Variants in PCM1 observed in about 807,000 individuals in gnomAD.
PCM1 encodes pericentriolar material 1.
A neutral mutation model predicts 241.9 loss-of-function variants in PCM1; 157 were observed. That is an observed-to-expected ratio of 0.65 (90% confidence interval 0.57 to 0.74). The LOEUF is 0.74. Ranked by LOEUF, PCM1 falls within the 30% of genes least tolerant of loss-of-function variation. The probability of loss-of-function intolerance (pLI) is 0.00; values close to 1 mark genes in which losing one functional copy is unlikely to be tolerated. For synonymous variants in PCM1, 1,085 were observed against 784.9 expected, an observed-to-expected ratio of 1.38 and a Z score of -6.39; for missense variants, 3,478 against 2,360.1, an observed-to-expected ratio of 1.47 and a Z score of -9.81.
chr8:17,974,450 A>G (rs1231765248), intron 23 of PCM1, among the ~76,000 whole-genome samples: 1 of 152,226 alleles, frequency 6.6e-6, no homozygotes, highest in African/African-American at 2.4e-5. Context: ...TGAGTTTCAC[A>G]TGAATCTCCT....
chr8:17,960,281 G>T (rs1563941360), intron 14 of PCM1, 34 bp from the exon 15 acceptor site: 4 of 1,584,454 alleles, frequency 2.5e-6, no homozygotes, highest in Non-Finnish European at 3.4e-6. Flanking sequence ...ACATTTTATT[G>T]GAGTCCATAA....
intron 30 of PCM1, 93 bp from the exon 31 acceptor site, chr8:18,009,454 C>G (rs1314693173): frequency 1.3e-6 from 1 of 758,936 alleles, no homozygotes; most frequent in African/African-American, 1.8e-5. Flanking sequence ...TAATCATAAA[C>G]ATTAGTTTTA....
intron 6 of PCM1, among the ~76,000 whole-genome samples, chr8:17,941,369 G>A (rs2061981502): frequency 6.6e-6 from 1 of 152,130 alleles, no homozygotes; most frequent in Admixed American, 6.5e-5. Flanking sequence ...ATAACATGTA[G>A]CAGAGTAAAT....
chr8:17,951,939 A>C (rs189531462), intron 8 of PCM1, among the ~76,000 whole-genome samples: 2 of 152,162 alleles, frequency 1.3e-5, no homozygotes, highest in Admixed American at 1.3e-4. Context: ...AATTTAAAAA[A>C]AGGCCAGGTG....
At chr8:17,987,973 C>A (rs562285488) in intron 26 of PCM1, among the ~76,000 whole-genome samples, 1 of 151,754 alleles carries the variant, frequency 6.6e-6, no homozygotes, top group South Asian at 2.1e-4. Flanking sequence ...ATTTTTGGAG[C>A]TTTTACAAAC....
At chr8:17,991,373 A>G (rs771240241) in intron 27 of PCM1, among the ~76,000 whole-genome samples, 169 bp from the exon 28 acceptor site, 1 of 152,208 alleles carries the variant, frequency 6.6e-6, no homozygotes, top group Non-Finnish European at 1.5e-5. Context: ...TTTAAGGATT[A>G]AATAAGTGTG....
chr8:17,973,753 T>C (rs1008873865), intron 23 of PCM1, among the ~76,000 whole-genome samples: 1 of 151,496 alleles, frequency 6.6e-6, no homozygotes, highest in Non-Finnish European at 1.5e-5. Context: ...AAGAACAAAG[T>C]ATTCTAGGCT....
At chr8:18,024,865 CAGAAGGG>C (rs2094054225) in intron 36 of PCM1, 1 of 152,064 alleles carries the variant, frequency 6.6e-6, no homozygotes, top group African/African-American at 2.4e-5. Context: ...TATTAAAAAT[CAGAAGGG>C]AGAACTAGGA....
intron 30 of PCM1, among the ~76,000 whole-genome samples, chr8:18,008,213 C>T (rs1025009606): frequency 1.3e-5 from 2 of 152,132 alleles, no homozygotes; most frequent in Non-Finnish European, 2.9e-5. Context: ...CTGAGCTCCA[C>T]CTCCTGTCAG....
At position 17,939,748 on chromosome 8, in the gene PCM1, G is replaced by A. The variant is rs1305156982; in HGVS notation, c.670G>A (p.Glu224Lys). Residue 224 changes from glutamate to lysine, a missense_variant, in exon 6 of 39, where the codon GAA (glutamate) becomes AAA (lysine). By Grantham distance (56) the Glu-to-Lys change is moderately conservative (BLOSUM62 1). Transcript: ENST00000325083. The stretch of plus-strand genomic sequence containing the variant: ...TATTACTAAAGCTAGTTCCATGCGG[G>A]AAGATCTTGTAGAGAAAAATGAGAG... ...DYITKASSMR[E>K]DLVEKNERSA... The A allele has an allele frequency of 6.4e-7, 1 of 1,559,734 alleles. No homozygotes were observed. Among genetic ancestry groups the A allele is most frequent in the South Asian group, 1.2e-5 (1 of 84,620 alleles).
chr8:17,924,565 C>G (rs1040735439), intron 1 of PCM1, 148 bp from the exon 2 acceptor site: 4 of 152,178 alleles, frequency 2.6e-5, no homozygotes, highest in Admixed American at 2.6e-4. Flanking sequence ...ATTGAGGTAA[C>G]TTAAATTTAA....
chr8:17,955,469 G>A lies in PCM1; in HGVS notation c.1289-1G>A. On this transcript the variant is annotated splice_acceptor_variant, in intron 9 of 38. Transcript: ENST00000325083. LOFTEE classifies it high-confidence loss of function. ...ATTTTTTGTTGTTGTGCCTTCTTCA[G>A]CCTCTCCACAAAGGAGTGTCGATCA... The A allele has an allele frequency of 6.3e-7, 1 of 1,581,748 alleles. No homozygotes were observed. Among genetic ancestry groups the A allele is most frequent in the Non-Finnish European group, 8.6e-7 (1 of 1,165,066 alleles).
In PCM1 at chr8:17,963,193, G is replaced by A; in HGVS notation, c.2556G>A (p.Arg852=). ...AAGCTCTGATGGCTGAACATCAGAG[G>A]AGGCAAGGTCTAGCTGAAACTGCAT... ...QLEALMAEHQ[R]RQGLAETASP... Residue 852 remains arginine (R), a synonymous_variant, in exon 17 of 39, where the codon AGG becomes AGA. Coordinates refer to ENST00000325083, the MANE Select transcript of PCM1 (RefSeq NM_006197.4). 6.2e-7 allele frequency: 1 copy of A among 1,613,316 alleles called. No individual in the cohort carries two copies. Among genetic ancestry groups the A allele is most frequent in the Non-Finnish European group, 8.5e-7 (1 of 1,179,364 alleles).
At chr8:17,993,333 T>G (rs748716442) in intron 28 of PCM1, 150 bp from the exon 29 acceptor site, 74 of 442,902 alleles carry the variant, frequency 1.7e-4, no homozygotes, top group Middle Eastern at 6.3e-4. Flanking sequence ...TTATTTTAAT[T>G]GATAGGGGTG....
chr8:17,995,375 T>C (rs1408086229), intron 29 of PCM1, among the ~76,000 whole-genome samples: 1 of 151,274 alleles, frequency 6.6e-6, no homozygotes, highest in African/African-American at 2.5e-5. Context: ...TCTGTTCTGT[T>C]CTATCGGTCT....
At chr8:17,942,692 C>A (rs956707367) in intron 6 of PCM1, among the ~76,000 whole-genome samples, 4 of 151,712 alleles carry the variant, frequency 2.6e-5, no homozygotes, top group South Asian at 4.2e-4. Flanking sequence ...ATTTGTAGTT[C>A]CACATAAAAA....
At chr8:18,014,444 G>GGA in intron 35 of PCM1, 140 bp from the exon 36 acceptor site, 2 of 598,492 alleles carry the variant, frequency 3.3e-6, no homozygotes, top group Non-Finnish European at 5.1e-6. Context: ...CCATTGATAA[G>GGA]GAAAATTTGT....
chr8:18,027,307 T>G lies in PCM1; in HGVS notation c.6050-330T>G, dbSNP rs1272317746. On this transcript the variant is annotated intron_variant, in intron 38 of 38. Coordinates refer to ENST00000325083, the MANE Select transcript of PCM1 (RefSeq NM_006197.4). ...GTATGCTTCCATCTGCATTGAGCATTCTGGTAATTTGTTGATATCCCCTCT... is the reference window on the plus strand; with the variant it reads ...GTATGCTTCCATCTGCATTGAGCATGCTGGTAATTTGTTGATATCCCCTCT... Among the ~76,000 whole-genome samples the G allele has an allele frequency of 2.0e-5, 3 of 152,222 alleles. No homozygotes were observed. The South Asian group carries it at 6.2e-4, about 32-fold the overall frequency.
intron 6 of PCM1, among the ~76,000 whole-genome samples, chr8:17,944,212 A>C (rs780435560): frequency 6.6e-6 from 1 of 152,142 alleles, no homozygotes; most frequent in Non-Finnish European, 1.5e-5. Flanking sequence ...ATGGTTCTTC[A>C]GACATGATGT....
Sources: gnomAD v4.1 joint callset for allele counts (sites outside exome capture counted in the v4.1 genomes callset) on GRCh38, gnomAD v4.1.1 for gene constraint, MANE v1.5 for transcripts, NCBI Gene and HGNC (gene_info 2026-07-23, HGNC 2026-07-21) for gene names.